WDR36: variants seen among roughly 807,000 people sequenced by gnomAD.
WDR36 encodes WD repeat domain 36.
A neutral mutation model predicts 112.7 loss-of-function variants in WDR36; 63 were observed. The ratio of observed to expected loss-of-function variants is 0.56; its 90% CI spans 0.46 to 0.69. The LOEUF is 0.69. WDR36 is among the 30% of genes least tolerant of loss of function. The pLI is 0.00. For synonymous variants in WDR36, 410 were observed against 362.2 expected (o/e 1.13, Z -1.50); for missense variants, 1,226 against 1,070.3 (o/e 1.15, Z -2.03).
intron 3 of WDR36, 71 bp from the exon 4 acceptor site, chr5:111,098,651 G>T (rs1580390845): frequency 9.8e-7 from 1 of 1,016,678 alleles, no homozygotes; most frequent in Non-Finnish European, 1.6e-6. Context: ...GCATGTTTTT[G>T]GGATAATATG....
chr5:111,107,954 G>A (rs1753252435), intron 12 of WDR36, among the ~76,000 whole-genome samples: 1 of 151,106 alleles, frequency 6.6e-6, no homozygotes, highest in African/African-American at 2.4e-5. Flanking sequence ...TTTCAAGATT[G>A]TTTTGGCTCT....
chr5:111,107,531 G>GA, intron 12 of WDR36, 92 bp downstream of exon 12: 6 of 1,503,282 alleles, frequency 4.0e-6, no homozygotes, highest in Non-Finnish European at 5.4e-6. Flanking sequence ...AATATTGACT[G>GA]AAAAAACGTA....
At position 111,130,018 on chromosome 5, in the gene WDR36, G is replaced by A; in HGVS notation, c.*3135G>A. ...GAGCTCTTCCATATTCCTAGTAAAT[G>A]ATGCATTACTTTGGTATGTTCTCAG... On this transcript the variant is annotated 3_prime_UTR_variant, in exon 23 of 23. Transcript: ENST00000513710. 1 of 212,816 alleles carries A rather than the reference G, an allele frequency of 4.7e-6. No homozygotes were observed. The highest frequency in any genetic ancestry group is 9.5e-6 in the Non-Finnish European group (1 of 105,154). The allele number at this position is 212,816 out of a possible 1,614,324, so 13.2% of individuals were successfully genotyped here. A position where few individuals can be genotyped will look rare whatever the true frequency, so the allele number is the denominator to read the frequency against.
chr5:111,111,028 G>A, intron 14 of WDR36, 75 bp downstream of exon 14: 1 of 1,578,406 alleles, frequency 6.3e-7, no homozygotes, highest in Non-Finnish European at 8.7e-7. Context: ...TTACCAAGTG[G>A]GAAAAATCAG....
Position 111,129,828 on chromosome 5 carries a change from C to T in WDR36, c.*2945C>T, listed in dbSNP as rs1054327948. 5 of 206,194 alleles carry T rather than the reference C, an allele frequency of 2.4e-5. No homozygotes were observed. The highest frequency in any genetic ancestry group is 2.2e-4 in the East Asian group (3 of 13,454). The allele number at this position is 206,194 out of a possible 1,614,324, so 12.8% of individuals were successfully genotyped here. A position where few individuals can be genotyped will look rare whatever the true frequency, so the allele number is the denominator to read the frequency against. On this transcript the variant is annotated 3_prime_UTR_variant, in exon 23 of 23. Transcript: ENST00000513710. ...ATTTCACGTCATGTATTTTCCTCTA[C>T]GACATGTTTCTGTGTGAGTAGTTAA...
chr5:111,097,313 C>T, intron 3 of WDR36, 134 bp downstream of exon 3: 1 of 684,388 alleles, frequency 1.5e-6, no homozygotes, highest in Admixed American at 2.3e-5. Context: ...AATGTATATT[C>T]AGTTTTCTGG....
At position 111,111,259 on chromosome 5, in the gene WDR36, A is replaced by C. The variant is rs1341137506; in HGVS notation, c.1697A>C (p.Gln566Pro). Residue 566 changes from glutamine (Q) to proline (P), a missense_variant, in exon 15 of 23, where the codon CAA (glutamine) becomes CCA (proline). By Grantham distance (76) the Gln-to-Pro change is moderately conservative. Coordinates refer to ENST00000513710, the MANE Select transcript of WDR36 (RefSeq NM_139281.3). ...RKIVREFSGH[Q>P]GQINDMAFSP... ...ATTGTCAGAGAGTTTTCTGGACACC[A>C]AGGCCAAATAAATGACATGGTAAAA... 18 of 1,611,404 alleles carry C rather than the reference A, an allele frequency of 1.1e-5. No individual in the cohort carries two copies. Among genetic ancestry groups the C allele is most frequent in the Non-Finnish European group, 1.4e-5 (17 of 1,177,866 alleles).
At chr5:111,126,680 T>G (rs1753683889) in intron 22 of WDR36, 54 bp from the exon 23 acceptor site, 1 of 1,580,996 alleles carries the variant, frequency 6.3e-7, no homozygotes, top group Non-Finnish European at 8.7e-7. Context: ...TGAATCCAGA[T>G]TAGGTAAAAT....
Position 111,128,413 on chromosome 5 carries a change from A to G in WDR36, c.*1530A>G, listed in dbSNP as rs886605841. ...TTTCGTTTTTCTTTTAGAAATGTGT[A>G]TTGACTTATTAAAGCCACTGACAGA... On this transcript the variant is annotated 3_prime_UTR_variant, in exon 23 of 23. Transcript: ENST00000513710. 1 of 182,352 alleles carries G rather than the reference A, an allele frequency of 5.5e-6. No individual in the cohort carries two copies. Among genetic ancestry groups the G allele is most frequent in the South Asian group, 2.0e-4 (1 of 5,084 alleles). 11.3% of individuals were successfully genotyped at this position (182,352 alleles called of 1,614,324 possible). A position where few individuals can be genotyped will look rare whatever the true frequency, so the allele number is the denominator to read the frequency against.
chr5:111,110,882 T>G lies in WDR36; in HGVS notation c.1536T>G (p.Phe512Leu). The G allele has an allele frequency of 1.2e-6, 2 of 1,611,872 alleles. No homozygotes were observed. The highest frequency in any genetic ancestry group is 2.2e-5 in the East Asian group (1 of 44,834). The change falls in exon 14 of 23, where the codon TTT (phenylalanine) becomes TTG (leucine). Residue 512 changes from phenylalanine to leucine, a missense_variant. Physicochemically the swap from Phe to Leu is conservative, Grantham distance 22. Coordinates refer to ENST00000513710, the MANE Select transcript of WDR36 (RefSeq NM_139281.3). ...GSEGLLKFWN[F>L]KNKILIHSVS... ...AAGGATTACTCAAATTCTGGAACTT[T>G]AAAAACAAAATTTTAATCCATTCTG...
intron 16 of WDR36, among the ~76,000 whole-genome samples, chr5:111,114,626 G>T (rs1210481546): frequency 1.3e-5 from 2 of 152,070 alleles, no homozygotes; most frequent in African/African-American, 4.8e-5. Context: ...AAGCAAAATC[G>T]AATTTATTGA....
intron 21 of WDR36, among the ~76,000 whole-genome samples, chr5:111,125,262 T>A (rs532483596): frequency 2.6e-5 from 4 of 152,314 alleles, no homozygotes; most frequent in Admixed American, 2.0e-4. Flanking sequence ...GTATGTATCG[T>A]TATAGGCTTC....
chr5:111,125,698 T>C lies in WDR36; in HGVS notation c.2441T>C (p.Ile814Thr), dbSNP rs1469931369. Residue 814 changes from isoleucine (I) to threonine (T), a missense_variant, in exon 22 of 23, where the codon ATA becomes ACA. Transcript: ENST00000513710. ...TTGTCTCCTGATTGTGGTGGGTCCA[T>C]AGAAGTTATGCAGAGCTTCTTGAAA... ...RSLSPDCGGS[I>T]EVMQSFLKMI... The C allele has an allele frequency of 6.2e-7, 1 of 1,613,924 alleles. No homozygotes were observed. Among genetic ancestry groups the C allele is most frequent in the South Asian group, 1.1e-5 (1 of 91,084 alleles).
intron 16 of WDR36, among the ~76,000 whole-genome samples, chr5:111,114,996 C>A (rs1233282646): frequency 6.6e-6 from 1 of 151,976 alleles, no homozygotes; most frequent in Non-Finnish European, 1.5e-5. Context: ...ACCTTTGACT[C>A]AGCATTAGCC....
chr5:111,092,767 C>G (rs1019393037), intron 1 of WDR36, 149 bp downstream of exon 1: 4 of 1,120,940 alleles, frequency 3.6e-6, no homozygotes, highest in African/African-American at 3.1e-5. Flanking sequence ...GCCATCCGGT[C>G]ACGTCCACGT....
intron 19 of WDR36, among the ~76,000 whole-genome samples, 192 bp from the exon 20 acceptor site, chr5:111,123,613 C>T (rs1753614273): frequency 1.3e-5 from 2 of 152,132 alleles, no homozygotes; most frequent in South Asian, 4.1e-4. Flanking sequence ...TGCTAGAGAT[C>T]TGCATTGGGA....
chr5:111,126,369 TG>T (rs1382983219), intron 22 of WDR36, among the ~76,000 whole-genome samples: 1 of 152,114 alleles, frequency 6.6e-6, no homozygotes, highest in Admixed American at 6.6e-5. Context: ...TCTACTTTAG[TG>T]GTATAATGTG....
At chr5:111,110,159 T>G in intron 12 of WDR36, 30 bp from the exon 13 acceptor site, 1 of 1,483,756 alleles carries the variant, frequency 6.7e-7, no homozygotes, top group South Asian at 1.1e-5. Flanking sequence ...TGTTAGTTAT[T>G]TTGTCATTTG....
intron 19 of WDR36, among the ~76,000 whole-genome samples, chr5:111,122,784 T>C (rs183842833): frequency 7.8e-4 from 119 of 152,252 alleles, no homozygotes; most frequent in Non-Finnish European, 2.4e-4. Context: ...GTGAGACTTC[T>C]TTATTAGGCA....
Sources: gnomAD v4.1 joint callset for allele counts (sites outside exome capture counted in the v4.1 genomes callset) on GRCh38, gnomAD v4.1.1 for gene constraint, MANE v1.5 for transcripts, NCBI Gene and HGNC (gene_info 2026-07-23, HGNC 2026-07-21) for gene names.